Variants in HBS1L observed in about 807,000 individuals in gnomAD.
HBS1L encodes HBS1 like translational GTPase.
A neutral mutation model predicts 88.9 loss-of-function variants in HBS1L; 55 were observed. That is an observed-to-expected ratio of 0.62 (90% CI 0.50 to 0.77). The LOEUF is 0.77. HBS1L is among the 30% of genes least tolerant of loss of function. The pLI is 0.00. For synonymous variants in HBS1L, 267 were observed against 288.5 expected, an observed-to-expected ratio of 0.93 and a Z score of 0.76; for missense variants, 741 against 829.3, an observed-to-expected ratio of 0.89 and a Z score of 1.31.
intron 13 of HBS1L, 92 bp from the exon 14 acceptor site, chr6:134,979,360 G>T: frequency 1.2e-6 from 1 of 839,276 alleles, no homozygotes; most frequent in Non-Finnish European, 2.0e-6. Flanking sequence ...TGCTTCATCA[G>T]TCACTACTCA....
chr6:135,027,008 G>A (rs1463339101), intron 4 of HBS1L: 1 of 150,986 alleles, frequency 6.6e-6, no homozygotes, highest in Non-Finnish European at 1.5e-5. Flanking sequence ...CATAGGTAAA[G>A]TGGCAAGATC....
intron 10 of HBS1L, among the ~76,000 whole-genome samples, chr6:134,986,509 G>T (rs1774982909): frequency 6.6e-6 from 1 of 151,586 alleles, no homozygotes; most frequent in Admixed American, 6.6e-5. Flanking sequence ...TAATAGGTAG[G>T]GTAAAAAAGT....
chr6:135,054,589 C>T, intron 1 of HBS1L, 60 bp downstream of exon 1: 2 of 1,590,558 alleles, frequency 1.3e-6, no homozygotes, highest in Non-Finnish European at 8.6e-7. Context: ...TGGATGCCAA[C>T]GGGCTAGGAT....
intron 4 of HBS1L, among the ~76,000 whole-genome samples, chr6:135,012,591 T>C (rs1000280096): frequency 6.6e-6 from 1 of 152,142 alleles, no homozygotes; most frequent in Non-Finnish European, 1.5e-5. Context: ...TGTAGCTCTG[T>C]ACAGAAAAAA....
chr6:135,036,568 G>C (rs1440517212), intron 4 of HBS1L: 5 of 1,488,730 alleles, frequency 3.4e-6, no homozygotes, highest in Non-Finnish European at 4.5e-6. Flanking sequence ...CTATTCTCTA[G>C]TAAATGCTTT....
chr6:134,966,294 A>G lies in HBS1L; in HGVS notation c.2043+35T>C. The G allele has an allele frequency of 1.9e-6, 3 of 1,566,134 alleles. No individual in the cohort carries two copies. The South Asian group carries it at 3.5e-5, about 19-fold the overall frequency. ...GTAAAAAAGAAAAGGCATCATAACTATGGATATATAATGAGTCACTTTAAA... is the reference window on the plus strand; with the variant it reads ...GTAAAAAAGAAAAGGCATCATAACTGTGGATATATAATGAGTCACTTTAAA... On this transcript the variant is annotated intron_variant, in intron 17 of 17. Coordinates refer to ENST00000367837, the MANE Select transcript of HBS1L (RefSeq NM_006620.4).
At chr6:134,982,852 T>TA (rs1001878718) in intron 12 of HBS1L, 119 of 184,870 alleles carry the variant, frequency 6.4e-4, no homozygotes, top group Admixed American at 1.5e-3. Flanking sequence ...ACTCTGGGGA[T>TA]AAAAAAAAAT....
At chr6:135,007,780 A>G (rs867088184) in intron 4 of HBS1L, among the ~76,000 whole-genome samples, 3 of 152,204 alleles carry the variant, frequency 2.0e-5, no homozygotes, top group African/African-American at 4.8e-5. Context: ...ATCTTCCCCA[A>G]ACAACTGGAA....
At chr6:134,980,346 G>A (rs1009353106) in intron 13 of HBS1L, among the ~76,000 whole-genome samples, 1 of 150,468 alleles carries the variant, frequency 6.6e-6, no homozygotes, top group Admixed American at 6.6e-5. Flanking sequence ...TCTGAGAAAA[G>A]AAGGCATAAC....
At position 134,961,690 on chromosome 6, in the gene HBS1L, A is replaced by G. The variant is rs909466304; in HGVS notation, c.*3589T>C. On this transcript the variant is annotated 3_prime_UTR_variant, in exon 18 of 18. Transcript: ENST00000367837. Reference sequence around the variant, plus strand: ...TCAATCCACTTTCTGACAGCACTCAATCCAGAAGAAACCCTTGCTCACTTG... The same window carrying G: ...TCAATCCACTTTCTGACAGCACTCAGTCCAGAAGAAACCCTTGCTCACTTG... 1.3e-5 allele frequency: 2 copies of G among 152,118 alleles called. No homozygotes were observed. The highest frequency in any genetic ancestry group is 4.8e-5 in the African/African-American group (2 of 41,416). The allele number at this position is 152,118 out of a possible 1,614,324, so 9.4% of individuals were successfully genotyped here.
At chr6:134,974,960 T>C (rs1458636656) in intron 15 of HBS1L, among the ~76,000 whole-genome samples, 1 of 151,944 alleles carries the variant, frequency 6.6e-6, no homozygotes, top group Non-Finnish European at 1.5e-5. Flanking sequence ...TGGAAAAGAG[T>C]AAGTCAAACT....
intron 12 of HBS1L, 55 bp downstream of exon 12, chr6:134,985,286 G>C: frequency 8.7e-7 from 1 of 1,143,584 alleles, no homozygotes; most frequent in Non-Finnish European, 1.3e-6. Flanking sequence ...AGGAGGTTAG[G>C]AGGGAATGGG....
chr6:135,035,740 G>C (rs1328191544), intron 4 of HBS1L: 1 of 142,694 alleles, frequency 7.0e-6, no homozygotes, highest in Non-Finnish European at 1.0e-5. Context: ...AACAGAGCGA[G>C]ACTCTGTCTC....
intron 2 of HBS1L, among the ~76,000 whole-genome samples, chr6:135,044,717 C>G (rs1251947813): frequency 6.6e-6 from 1 of 152,150 alleles, no homozygotes; most frequent in Non-Finnish European, 1.5e-5. Context: ...GCTTTCCTGG[C>G]TTTAATAAAC....
intron 3 of HBS1L, among the ~76,000 whole-genome samples, chr6:135,040,620 G>T (rs1305113510): frequency 2.0e-5 from 3 of 151,926 alleles, no homozygotes; most frequent in Admixed American, 1.3e-4. Flanking sequence ...AAAGTGCTGG[G>T]ATTACAAGCG....
At chr6:135,015,612 C>T (rs573224381) in intron 4 of HBS1L, among the ~76,000 whole-genome samples, 2 of 152,302 alleles carry the variant, frequency 1.3e-5, no homozygotes, top group East Asian at 1.9e-4. Flanking sequence ...GACAGAGTCT[C>T]GTTCTGTTGC....
intron 8 of HBS1L, among the ~76,000 whole-genome samples, chr6:134,988,685 G>A (rs964689937): frequency 6.6e-6 from 1 of 152,110 alleles, no homozygotes; most frequent in Non-Finnish European, 1.5e-5. Context: ...GCAAGGATAC[G>A]GTGAGAAGCG....
chr6:135,002,981 A>T (rs74998276), intron 4 of HBS1L, 139 bp from the exon 5 acceptor site: 1 of 535,288 alleles, frequency 1.9e-6, no homozygotes, highest in East Asian at 3.2e-5. Flanking sequence ...CTCTAAAAAA[A>T]TTTAGTAAGA....
In HBS1L at chr6:134,996,820, C is replaced by A; in HGVS notation, c.922G>T (p.Ala308Ser). Residue 308 changes from alanine to serine, a missense_variant, in exon 7 of 18, where the codon GCA becomes TCA. This residue lies in a region of HBS1L where 556 missense variants were observed against 598.4 expected (regional missense o/e 0.93). Coordinates refer to ENST00000367837, the MANE Select transcript of HBS1L (RefSeq NM_006620.4). The stretch of plus-strand genomic sequence containing the variant: ...GTTTCATCCAAGACCCATGCATATG[C>A]AAACGAAGCTTTGCCAGCCTTTTTA... ...ESKKAGKASF[A>S]YAWVLDETGE... The A allele has an allele frequency of 6.2e-7, 1 of 1,611,492 alleles. No homozygotes were observed. Among genetic ancestry groups the A allele is most frequent in the Non-Finnish European group, 8.5e-7 (1 of 1,179,030 alleles).
Sources: allele counts gnomAD v4.1 joint callset (sites outside exome capture counted in the v4.1 genomes callset), GRCh38; gene constraint gnomAD v4.1.1; regional missense constraint gnomAD v4.1.1; transcripts MANE v1.5; gene names NCBI Gene and HGNC (gene_info 2026-07-23, HGNC 2026-07-21).